Variants in DHRS4L2 observed in about 807,000 individuals in gnomAD.
DHRS4L2 encodes dehydrogenase/reductase 4 like 2.
DHRS4L2 carries 22 observed loss-of-function variants against 23.9 expected under a neutral mutation model. That is an observed-to-expected ratio of 0.92 (90% CI 0.66 to 1.31). The LOEUF (loss-of-function observed/expected upper bound fraction) is 1.31. Among genes scored for constraint, DHRS4L2 ranks in the 40% most tolerant of loss-of-function variants. The pLI is 0.00. For synonymous variants in DHRS4L2, 141 were observed against 123.7 expected, an observed-to-expected ratio of 1.14 and a Z score of -0.93; for missense variants, 385 against 303.3, an observed-to-expected ratio of 1.27 and a Z score of -2.00.
At chr14:24,001,782 C>A (rs543231864) in intron 6 of DHRS4L2, among the ~76,000 whole-genome samples, 2 of 109,426 alleles carry the variant, frequency 1.8e-5, no homozygotes, top group African/African-American at 5.3e-5. Flanking sequence ...ATTGGAGAGA[C>A]GCAGCAAAAT....
intron 1 of DHRS4L2, among the ~76,000 whole-genome samples, chr14:23,973,809 G>A (rs2033914366): frequency 6.6e-6 from 1 of 150,920 alleles, no homozygotes; most frequent in Non-Finnish European, 1.5e-5. Context: ...ATGGGAGACA[G>A]TAACACCCCA....
chr14:23,976,533 G>A (rs1483665526), intron 1 of DHRS4L2, among the ~76,000 whole-genome samples: 3 of 151,906 alleles, frequency 2.0e-5, no homozygotes, highest in African/African-American at 7.2e-5. Context: ...AACCATTGTG[G>A]AAGACACTGT....
upstream of DHRS4L2, among the ~76,000 whole-genome samples, chr14:23,986,529 GA>G (rs2034144644): frequency 2.0e-5 from 3 of 150,340 alleles, no homozygotes; most frequent in South Asian, 6.3e-4. Flanking sequence ...AAGAAAGAAA[GA>G]AAGAAAAAGA....
At chr14:23,993,918 C>T (rs1266102429) in intron 2 of DHRS4L2, among the ~76,000 whole-genome samples, 2 of 151,660 alleles carry the variant, frequency 1.3e-5, no homozygotes, top group African/African-American at 4.8e-5. Context: ...AGACTGACCT[C>T]ACTTCTTCCA....
chr14:23,997,813 A>G (rs2034411113), intron 3 of DHRS4L2, among the ~76,000 whole-genome samples: 1 of 151,328 alleles, frequency 6.6e-6, no homozygotes, highest in African/African-American at 2.4e-5. Flanking sequence ...CTTCTTCCAG[A>G]CTCCTGTAAA....
At chr14:23,979,475 CACCCCA>C (rs2034022554) in intron 1 of DHRS4L2, among the ~76,000 whole-genome samples, 1 of 97,778 alleles carries the variant, frequency 1.0e-5, no homozygotes, top group Admixed American at 1.0e-4. Flanking sequence ...CAGAACTCTC[CACCCCA>C]AGTCAACAGA....
At chr14:23,987,320 C>A (rs1450233760), upstream of DHRS4L2, 1 of 258,598 alleles carries the variant, frequency 3.9e-6, no homozygotes, top group Non-Finnish European at 7.8e-6. Flanking sequence ...TTAGTAGGGA[C>A]GAGTTTCACC....
In DHRS4L2 at chr14:23,977,624, A is replaced by G. The variant is rs376134329; in HGVS notation, c.-176+7292A>G. On this transcript the variant is annotated intron_variant, in intron 1 of 5. Transcript: ENST00000534993. ...CTTTAAGCCTTGAGACGTGACTGTG[A>G]TCTGAGTCGTATGTGGTTATAACTT... 1.8e-4 allele frequency among the ~76,000 whole-genome samples: 28 copies of G among 151,778 alleles called. 1 individual carries two copies. The highest frequency in any genetic ancestry group is 3.4e-4 in the Non-Finnish European group (23 of 67,994).
At chr14:23,970,137 G>T in exon 1 of DHRS4L2, 1 of 456,044 alleles carries the variant, frequency 2.2e-6, no homozygotes, top group Non-Finnish European at 4.4e-6. Context: ...GAGTTGTAAG[G>T]TACGGGACTG....
In DHRS4L2 at chr14:24,001,437, C is replaced by G; in HGVS notation, c.585C>G (p.Thr195=). The change falls in exon 6 of 8, where the codon ACC becomes ACG. Residue 195 remains threonine, a synonymous_variant. Transcript: ENST00000335125. ...SKTALLGLNN[T]LAIELAPRNI... ...CAGCCTTGCTGGGCCTCAACAATAC[C>G]CTGGCCATAGAGCTGGCCCCAAGGA... 1 of 1,607,664 alleles carries G rather than the reference C, an allele frequency of 6.2e-7. No individual in the cohort carries two copies. The highest frequency in any genetic ancestry group is 8.5e-7 in the Non-Finnish European group (1 of 1,179,356).
upstream of DHRS4L2, among the ~76,000 whole-genome samples, chr14:23,986,545 G>A (rs1294490821): frequency 1.3e-5 from 2 of 150,824 alleles, no homozygotes; most frequent in South Asian, 4.2e-4. Flanking sequence ...AAAAGAAATA[G>A]TGCTGGAGGC....
intron 2 of DHRS4L2, among the ~76,000 whole-genome samples, chr14:23,992,530 G>T (rs2034291055): frequency 6.6e-6 from 1 of 151,176 alleles, no homozygotes; most frequent in African/African-American, 2.4e-5. Context: ...ACACCACGAA[G>T]CTTCTCACTG....
At chr14:23,988,617 G>A (rs2034195974), upstream of DHRS4L2, 3 of 309,374 alleles carry the variant, frequency 9.7e-6, no homozygotes, top group East Asian at 8.1e-5. Flanking sequence ...AGAAGAAAAC[G>A]TGGACAAGCA....
chr14:23,972,380 T>C (rs1462432273), intron 1 of DHRS4L2, among the ~76,000 whole-genome samples: 1 of 151,018 alleles, frequency 6.6e-6, no homozygotes, highest in Non-Finnish European at 1.5e-5. Context: ...CTGTCTGGAG[T>C]TGTTCATTCC....
At position 23,990,250 on chromosome 14, in the gene DHRS4L2, A is replaced by G. The variant is rs1381209916; in HGVS notation, c.197A>G (p.Gln66Arg). ...RAHVVVSSRK[Q>R]QNVDQAVATL... ...CACGTGGTCGTCAGCAGCCGGAAGC[A>G]GCAGAATGTGGACCAGGCGGTGGCC... The change falls in exon 2 of 8, where the codon CAG becomes CGG. Residue 66 changes from glutamine to arginine, a missense_variant. Coordinates refer to ENST00000335125, the MANE Select transcript of DHRS4L2 (RefSeq NM_198083.4). The G allele has an allele frequency of 6.2e-7, 1 of 1,612,738 alleles. No individual in the cohort carries two copies. The highest frequency in any genetic ancestry group is 1.7e-5 in the Admixed American group (1 of 59,982).
At chr14:23,979,182 G>A (rs914364044) in intron 1 of DHRS4L2, among the ~76,000 whole-genome samples, 1 of 149,172 alleles carries the variant, frequency 6.7e-6, no homozygotes, top group Non-Finnish European at 1.5e-5. Flanking sequence ...AACCAACAAA[G>A]ATCAAAAGAG....
At chr14:23,985,862 A>G (rs1487365317), upstream of DHRS4L2, among the ~76,000 whole-genome samples, 1 of 151,396 alleles carries the variant, frequency 6.6e-6, no homozygotes, top group Non-Finnish European at 1.5e-5. Context: ...TTACAGGCAC[A>G]TGCCACCAGG....
intron 1 of DHRS4L2, among the ~76,000 whole-genome samples, chr14:23,972,877 A>G (rs1362114867): frequency 1.3e-5 from 2 of 152,000 alleles, no homozygotes; most frequent in Non-Finnish European, 1.5e-5. Flanking sequence ...AAGGGAAGGT[A>G]CTATGACTGG....
At chr14:23,985,082 A>G (rs537488046), upstream of DHRS4L2, among the ~76,000 whole-genome samples, 97 of 151,490 alleles carry the variant, frequency 6.4e-4, no homozygotes, top group Non-Finnish European at 1.1e-3. Flanking sequence ...AGGTTCCAGT[A>G]GATAACCTCA....
Sources: gnomAD v4.1 joint callset for allele counts (sites outside exome capture counted in the v4.1 genomes callset) on GRCh38, gnomAD v4.1.1 for gene constraint, MANE v1.5 for transcripts, NCBI Gene and HGNC (gene_info 2026-07-23, HGNC 2026-07-21) for gene names.